The following NTRK3 variants were observed in gnomAD, a reference collection of about 807,000 sequenced individuals.
NTRK3 encodes neurotrophic receptor tyrosine kinase 3.
Under a neutral mutation model 91.7 loss-of-function variants are expected in NTRK3, and 24 were observed. The observed-to-expected ratio is 0.26, with a 90% confidence interval of 0.19 to 0.37. NTRK3 has a LOEUF of 0.37. Ranked by LOEUF, NTRK3 falls within the 10% of genes least tolerant of loss-of-function variation. The pLI, the probability that NTRK3 is intolerant of heterozygous loss-of-function variation, is 1.00. For missense variants in NTRK3, 880 were observed against 1,068.9 expected (o/e 0.82, Z 2.46); for synonymous variants, 483 against 404.0 (o/e 1.20, Z -2.34).
Position 88,146,277 on chromosome 15 carries a change from G to C in NTRK3, c.464+1058C>G, listed in dbSNP as rs557279504. ...GCTGGGTCTGAAAAGGTAAGGTTTT[G>C]ATGCATCCATGAAGTCAGGTCTTGC... On this transcript the variant is annotated intron_variant, in intron 6 of 18. Coordinates refer to ENST00000394480, the Ensembl canonical transcript of NTRK3. 3.9e-5 allele frequency among the ~76,000 whole-genome samples: 6 copies of C among 152,284 alleles called. No homozygotes were observed. The South Asian group carries it at 1.2e-3, about 32-fold the overall frequency.
chr15:87,986,074 A>G (rs1034097685), intron 14 of NTRK3, among the ~76,000 whole-genome samples: 11 of 152,210 alleles, frequency 7.2e-5, no homozygotes. Context: ...TGGAAAAAAA[A>G]TTTCTTTACC....
intron 17 of NTRK3, chr15:87,925,472 C>G (rs1439572132): frequency 9.9e-6 from 2 of 201,468 alleles, no homozygotes; most frequent in Middle Eastern, 1.6e-3. Context: ...CACACACAGG[C>G]CTGGATTATC....
intron 13 of NTRK3, among the ~76,000 whole-genome samples, chr15:88,081,865 G>A (rs17755717): frequency 0.13 from 20,256 of 152,176 alleles, 1,510 homozygotes; most frequent in Non-Finnish European, 0.17. Flanking sequence ...TTCGATCAGA[G>A]CCCATTCAGG....
chr15:87,907,808 C>T (rs779812464), intron 17 of NTRK3, among the ~76,000 whole-genome samples: 2 of 152,162 alleles, frequency 1.3e-5, no homozygotes, highest in Non-Finnish European at 2.9e-5. Context: ...CAAGGTAAGA[C>T]AGATGGAACT....
chr15:88,178,879 C>A (rs1026606155), intron 5 of NTRK3, among the ~76,000 whole-genome samples: 2 of 152,160 alleles, frequency 1.3e-5, no homozygotes, highest in Non-Finnish European at 2.9e-5. Flanking sequence ...TTTCACGGAA[C>A]TTTAAAGATG....
intron 5 of NTRK3, among the ~76,000 whole-genome samples, chr15:88,151,798 G>T (rs1335511133): frequency 6.6e-6 from 1 of 152,168 alleles, no homozygotes; most frequent in Non-Finnish European, 1.5e-5. Context: ...GCAGGCTAAT[G>T]GGCAGGTATG....
Position 87,958,344 on chromosome 15 carries a change from T to C in NTRK3, c.1586-17591A>G, listed in dbSNP as rs969045036. Among the ~76,000 whole-genome samples, 5 of 152,292 alleles carry C rather than the reference T, an allele frequency of 3.3e-5. No homozygotes were observed. The South Asian group carries it at 1.0e-3, about 32-fold the overall frequency. ...GAGCATCCTTAGGACGGAATGTCTA[T>C]TCAGGGTGGAGCTCCAGTGATTTCA... On this transcript the variant is annotated intron_variant, in intron 14 of 18. Coordinates refer to ENST00000394480, the Ensembl canonical transcript of NTRK3.
chr15:88,147,284 C>G, intron 6 of NTRK3, 51 bp downstream of exon 6: 1 of 1,525,054 alleles, frequency 6.6e-7, no homozygotes, highest in Non-Finnish European at 9.1e-7. Context: ...CCTCCCCATC[C>G]ACCCATTACC....
rs554605941 is a variant in NTRK3, at chr15:87,938,061, A to C, written c.1716+2562T>G. On this transcript the variant is annotated intron_variant, in intron 15 of 18. Transcript: ENST00000394480. ...GGTTTGAATGCTGTGTAAATGTTCT[A>C]TTTGTCTAATGATGATTTCAGAGTG... 1.7e-3 allele frequency among the ~76,000 whole-genome samples: 254 copies of C among 152,136 alleles called. 1 individual carries two copies. The highest frequency in any genetic ancestry group is 5.9e-3 in the African/African-American group (245 of 41,514).
chr15:87,901,043 G>A (rs918471454), intron 17 of NTRK3, among the ~76,000 whole-genome samples: 1 of 152,196 alleles, frequency 6.6e-6, no homozygotes, highest in Non-Finnish European at 1.5e-5. Flanking sequence ...CCTCTTGGCA[G>A]TGAAGGGTGT....
intron 13 of NTRK3, among the ~76,000 whole-genome samples, chr15:88,073,777 A>AT (rs2047295228): frequency 6.7e-6 from 1 of 149,476 alleles, no homozygotes; most frequent in Non-Finnish European, 1.5e-5. Flanking sequence ...GTGCTGCAAC[A>AT]CCCCCCCGCC....
chr15:88,147,993 C>T (rs922554005), intron 5 of NTRK3, among the ~76,000 whole-genome samples: 3 of 152,170 alleles, frequency 2.0e-5, no homozygotes, highest in South Asian at 2.1e-4. Flanking sequence ...AGAAGAAACA[C>T]GCCCACGGTT....
chr15:87,884,095 CA>C (rs1375456142), intron 17 of NTRK3, among the ~76,000 whole-genome samples: 1 of 149,592 alleles, frequency 6.7e-6, no homozygotes, highest in Non-Finnish European at 1.5e-5. Flanking sequence ...ACAAACAAAG[CA>C]AAACAGCCAG....
At chr15:87,907,103 G>A (rs970630994) in intron 17 of NTRK3, among the ~76,000 whole-genome samples, 2 of 152,150 alleles carry the variant, frequency 1.3e-5, no homozygotes, top group African/African-American at 4.8e-5. Context: ...ATACACAGTT[G>A]ATTAATATTA....
chr15:87,938,352 A>G (rs1288362595), intron 15 of NTRK3, among the ~76,000 whole-genome samples: 1 of 152,218 alleles, frequency 6.6e-6, no homozygotes, highest in Non-Finnish European at 1.5e-5. Context: ...CTGCATCAAC[A>G]TGAGAACTAA....
chr15:87,962,528 A>T (rs1276801535), intron 14 of NTRK3, among the ~76,000 whole-genome samples: 1 of 152,182 alleles, frequency 6.6e-6, no homozygotes, highest in African/African-American at 2.4e-5. Flanking sequence ...AGATTTAGAT[A>T]ATCTCACTAG....
chr15:88,165,303 T>C (rs944002365), intron 5 of NTRK3, among the ~76,000 whole-genome samples: 5 of 152,182 alleles, frequency 3.3e-5, no homozygotes, highest in South Asian at 4.1e-4. Context: ...CATTGTTAAA[T>C]AAAAGCATGC....
At chr15:87,945,433 A>T (rs1042766288) in intron 14 of NTRK3, among the ~76,000 whole-genome samples, 1 of 152,160 alleles carries the variant, frequency 6.6e-6, no homozygotes, top group African/African-American at 2.4e-5. Flanking sequence ...TGTGGGATTC[A>T]CTTCTGGGAG....
At chr15:87,972,404 G>A (rs1024796205) in intron 14 of NTRK3, among the ~76,000 whole-genome samples, 1 of 152,154 alleles carries the variant, frequency 6.6e-6, no homozygotes, top group Non-Finnish European at 1.5e-5. Context: ...ATACTGGAAC[G>A]ATGCCTTTGG....
Sources: gnomAD v4.1 joint callset for allele counts (sites outside exome capture counted in the v4.1 genomes callset) on GRCh38, gnomAD v4.1.1 for gene constraint, MANE v1.5 for transcripts, NCBI Gene and HGNC (gene_info 2026-07-23, HGNC 2026-07-21) for gene names.